Variants in RERE observed in about 807,000 individuals in gnomAD.
RERE encodes the protein arginine-glutamic acid dipeptide repeats, also known as arginine-glutamic acid dipeptide repeats protein.
Under a neutral mutation model 146.1 loss-of-function variants are expected in RERE, and 40 were observed. That is an observed-to-expected ratio of 0.27 (90% CI 0.21 to 0.36). The LOEUF (loss-of-function observed/expected upper bound fraction) is 0.36. Among genes scored for constraint, RERE ranks in the 10% least tolerant of loss-of-function variants. RERE has a pLI of 1.00. For missense variants in RERE, 1,933 were observed against 2,138.7 expected, an observed-to-expected ratio of 0.90 and a Z score of 1.90; for synonymous variants, 1,003 against 866.0, an observed-to-expected ratio of 1.16 and a Z score of -2.78.
At chr1:8,416,598 A>AAAAAAAAAAAAG (rs1419532157) in intron 12 of RERE, among the ~76,000 whole-genome samples, 5 of 147,686 alleles carry the variant, frequency 3.4e-5, no homozygotes, top group African/African-American at 1.3e-4. Flanking sequence ...AAAAAAAAAA[A>AAAAAAAAAAAAG]AAAAGAAAAG....
intron 4 of RERE, among the ~76,000 whole-genome samples, chr1:8,588,025 C>T (rs577906992): frequency 6.6e-6 from 1 of 152,270 alleles, no homozygotes; most frequent in East Asian, 1.9e-4. Flanking sequence ...ATTCAACAAA[C>T]ACACATTAAG....
At chr1:8,552,956 G>T (rs1173558021) in intron 6 of RERE, among the ~76,000 whole-genome samples, 1 of 150,250 alleles carries the variant, frequency 6.7e-6, no homozygotes, top group Non-Finnish European at 1.5e-5. Flanking sequence ...AGGCCAGCAA[G>T]TCCACAAACA....
intron 3 of RERE, among the ~76,000 whole-genome samples, chr1:8,621,375 C>T (rs377389354): frequency 1.3e-5 from 2 of 152,200 alleles, no homozygotes; most frequent in South Asian, 2.1e-4. Flanking sequence ...GTTCAATAAA[C>T]TGCCATTATT....
chr1:8,371,911 T>C (rs1412763274), intron 12 of RERE, among the ~76,000 whole-genome samples: 1 of 152,244 alleles, frequency 6.6e-6, no homozygotes, highest in Non-Finnish European at 1.5e-5. Flanking sequence ...TATGTGCATG[T>C]GTGCACAGAT....
chr1:8,757,986 A>G (rs1042721338), intron 1 of RERE, among the ~76,000 whole-genome samples: 7 of 152,128 alleles, frequency 4.6e-5, no homozygotes, highest in Non-Finnish European at 1.0e-4. Flanking sequence ...TTGCAACAAT[A>G]TGGATGAACC....
At chr1:8,804,057 T>C (rs1023336093) in intron 1 of RERE, among the ~76,000 whole-genome samples, 4 of 152,214 alleles carry the variant, frequency 2.6e-5, no homozygotes, top group Non-Finnish European at 5.9e-5. Context: ...AGAAACAAGA[T>C]GTCTGCACAT....
At position 8,508,369 on chromosome 1, in the gene RERE, T is replaced by C. The variant is rs190209449; in HGVS notation, c.879+258A>G. Among the ~76,000 whole-genome samples, 32 of 152,346 alleles carry C rather than the reference T, an allele frequency of 2.1e-4. No individual in the cohort carries two copies. In the East Asian group the frequency reaches 2.5e-3, roughly 12 times the overall value. Reference sequence around the variant, plus strand: ...GGTACAGAATTTCAGTTTTGCAAGATAGAAAGAGTTCTGGAGATAGATGAC... The same window carrying C: ...GGTACAGAATTTCAGTTTTGCAAGACAGAAAGAGTTCTGGAGATAGATGAC... On this transcript the variant is annotated intron_variant, in intron 8 of 22. Transcript: ENST00000400908.
Position 8,404,424 on chromosome 1 carries a change from A to C in RERE, c.1284+18303T>G, listed in dbSNP as rs575439869. 1.5e-3 allele frequency among the ~76,000 whole-genome samples: 235 copies of C among 152,058 alleles called. 1 individual carries two copies. Among genetic ancestry groups the C allele is most frequent in the African/African-American group, 2.8e-3 (117 of 41,514 alleles). On this transcript the variant is annotated intron_variant, in intron 12 of 22. Transcript: ENST00000400908. ...CATAGTGAGACTCTGTCTCAAAAAA[A>C]AAACAAACAAACAAAAAAAAGAGAT...
chr1:8,614,533 T>C lies in RERE; in HGVS notation c.522+28A>G, dbSNP rs184626924. The C allele has an allele frequency of 3.2e-5, 51 of 1,598,464 alleles. 1 individual carries two copies. The South Asian group carries it at 3.4e-4, about 11-fold the overall frequency. The stretch of plus-strand genomic sequence containing the variant: ...TACCCTATGGGATATAAAATACTGA[T>C]AGCTTTTAAAAACGGGATTCTCCTT... On this transcript the variant is annotated intron_variant, in intron 4 of 22. Coordinates refer to ENST00000400908, the MANE Select transcript of RERE (RefSeq NM_001042681.2).
chr1:8,635,437 G>A (rs750822748), intron 2 of RERE, among the ~76,000 whole-genome samples: 43 of 152,144 alleles, frequency 2.8e-4, no homozygotes, highest in Non-Finnish European at 4.0e-4. Context: ...AAAATGAGAC[G>A]AGAGCTTCTG....
rs58278493 is a variant in RERE, at chr1:8,693,620, G to C, written c.-144-37179C>G. Among the ~76,000 whole-genome samples the C allele has an allele frequency of 4.0e-3, 615 of 152,214 alleles. 2 individuals carry two copies. Among genetic ancestry groups the C allele is most frequent in the African/African-American group, 0.013 (531 of 41,526 alleles). ...GGGAGGGATGAATAGGGAGAACATA[G>C]GGCATGTTTAGAGCAGTAAAGACTC... On this transcript the variant is annotated intron_variant, in intron 1 of 22. Transcript: ENST00000400908.
At chr1:8,711,121 C>A in intron 1 of RERE, among the ~76,000 whole-genome samples, 1 of 131,258 alleles carries the variant, frequency 7.6e-6, no homozygotes. Flanking sequence ...CGAGCCACTG[C>A]ACTCCAGCCT....
At chr1:8,807,012 A>G (rs1346567112) in intron 1 of RERE, 2 of 152,146 alleles carry the variant, frequency 1.3e-5, no homozygotes, top group African/African-American at 4.8e-5. Context: ...TTATCACAAG[A>G]TATCTTTCCC....
intron 12 of RERE, among the ~76,000 whole-genome samples, chr1:8,384,003 TG>T (rs1642549618): frequency 6.6e-6 from 1 of 152,226 alleles, no homozygotes; most frequent in Admixed American, 6.5e-5. Flanking sequence ...TGAAAATTAG[TG>T]GCTTAGATTA....
chr1:8,568,250 C>G (rs1348476957), intron 4 of RERE, among the ~76,000 whole-genome samples: 1 of 152,226 alleles, frequency 6.6e-6, no homozygotes, highest in East Asian at 1.9e-4. Flanking sequence ...TGAGGACTCA[C>G]ACCAGCGGCC....
intron 11 of RERE, chr1:8,424,209 CG>C (rs1643973894): frequency 6.6e-6 from 1 of 152,162 alleles, no homozygotes; most frequent in South Asian, 2.1e-4. Context: ...CGATTGTGGG[CG>C]GCCTCTCCCT....
rs543731608 is a variant in RERE at position 8,618,989 on chromosome 1, C to T, written c.397-4303G>A. Among the ~76,000 whole-genome samples, 4 of 152,252 alleles carry T rather than the reference C, an allele frequency of 2.6e-5. No homozygotes were observed. In the East Asian group the frequency reaches 5.8e-4, roughly 22 times the overall value. On this transcript the variant is annotated intron_variant, in intron 3 of 22. Coordinates refer to ENST00000400908, the MANE Select transcript of RERE (RefSeq NM_001042681.2). The stretch of plus-strand genomic sequence containing the variant: ...GTAGCAAACAACTTATGAGTACAGA[C>T]CAGGCATAAGAGAGAAATTCCAAGT...
intron 1 of RERE, among the ~76,000 whole-genome samples, chr1:8,709,679 C>T (rs1639629190): frequency 6.6e-6 from 1 of 152,178 alleles, no homozygotes; most frequent in East Asian, 1.9e-4. Context: ...TTGTTTATTA[C>T]TGCAAAGAAC....
At chr1:8,416,524 T>C (rs1643772443) in intron 12 of RERE, among the ~76,000 whole-genome samples, 1 of 145,624 alleles carries the variant, frequency 6.9e-6, no homozygotes, top group Non-Finnish European at 1.5e-5. Context: ...AGGCGGAGCT[T>C]GCAGTGAGCC....
Sources: gnomAD v4.1 joint callset for allele counts (sites outside exome capture counted in the v4.1 genomes callset) on GRCh38, gnomAD v4.1.1 for gene constraint, MANE v1.5 for transcripts, NCBI Gene and HGNC (gene_info 2026-07-23, HGNC 2026-07-21) for gene names.